SOX6: variants seen among roughly 807,000 people sequenced by gnomAD.
SOX6 encodes transcription factor SOX-6.
In SOX6, 11 loss-of-function variants were observed where a neutral mutation model predicts 97.8. That is an observed-to-expected ratio of 0.11 (90% confidence interval 0.07 to 0.19). SOX6 has a LOEUF of 0.19. Among genes scored for constraint, SOX6 ranks in the 10% least tolerant of loss-of-function variants. SOX6 has a pLI of 1.00. For synonymous variants in SOX6, 360 were observed against 371.4 expected, an observed-to-expected ratio of 0.97 and a Z score of 0.35; for missense variants, 810 against 1,039.5, an observed-to-expected ratio of 0.78 and a Z score of 3.04.
At chr11:16,514,661 G>A (rs759730746) in intron 4 of SOX6, among the ~76,000 whole-genome samples, 1 of 150,158 alleles carries the variant, frequency 6.7e-6, no homozygotes, top group Non-Finnish European at 1.5e-5. Flanking sequence ...TCGTCATCTA[G>A]CATTAGGTAT....
At chr11:16,175,483 A>G (rs1449942733) in intron 6 of SOX6, among the ~76,000 whole-genome samples, 1 of 151,938 alleles carries the variant, frequency 6.6e-6, no homozygotes. Flanking sequence ...TTAAACCCTA[A>G]TTTATTTATC....
upstream of SOX6, among the ~76,000 whole-genome samples, chr11:16,478,462 G>A (rs927619042): frequency 7.9e-5 from 12 of 152,068 alleles, no homozygotes; most frequent in Non-Finnish European, 1.6e-4. Flanking sequence ...CAGACATTTA[G>A]AACAAATAAT....
intron 4 of SOX6, among the ~76,000 whole-genome samples, chr11:16,234,380 A>G (rs1852952102): frequency 6.6e-6 from 1 of 152,182 alleles, no homozygotes; most frequent in African/African-American, 2.4e-5. Context: ...TTATAGACTA[A>G]TACAAAAAGT....
intron 2 of SOX6, among the ~76,000 whole-genome samples, chr11:16,335,742 A>T (rs1856440058): frequency 6.6e-6 from 1 of 152,190 alleles, no homozygotes; most frequent in Non-Finnish European, 1.5e-5. Flanking sequence ...AATGGTACAA[A>T]GTCCACACCA....
chr11:16,605,237 G>T lies in SOX6; in HGVS notation n.609+6844C>A, dbSNP rs1414365596. On this transcript the variant is annotated intron_variant and non_coding_transcript_variant, in intron 4 of 5. Transcript: ENST00000524520. The surrounding 1 kb of genome is among the most constrained non-coding windows in gnomAD (Gnocchi z 5.3). ...GGGCGCCGGCTGGGCTCAGGGACGC[G>T]GGGCGGGGAAGAAACGTGCCGGCGA... Among the ~76,000 whole-genome samples the T allele has an allele frequency of 6.6e-6, 1 of 152,140 alleles. No individual in the cohort carries two copies. The highest frequency in any genetic ancestry group is 2.0e-4 in the East Asian group (1 of 5,118).
intron 6 of SOX6, among the ~76,000 whole-genome samples, chr11:16,150,120 A>G (rs1850421968): frequency 6.6e-6 from 1 of 152,196 alleles, no homozygotes; most frequent in Admixed American, 6.6e-5. Flanking sequence ...AGATAACTCA[A>G]GTAGTGTCAA....
chr11:16,591,346 G>C (rs1211568333), intron 4 of SOX6, among the ~76,000 whole-genome samples: 7 of 92,580 alleles, frequency 7.6e-5, no homozygotes, highest in Non-Finnish European at 1.5e-4. Context: ...TAGATAGATA[G>C]ATAGACAGAT....
intron 4 of SOX6, among the ~76,000 whole-genome samples, chr11:16,489,485 G>C (rs1196938117): frequency 6.6e-6 from 1 of 151,998 alleles, no homozygotes; most frequent in Admixed American, 6.6e-5. Context: ...AACATTTATG[G>C]TATGTATCTA....
At chr11:16,520,998 T>C (rs1243885035) in intron 4 of SOX6, among the ~76,000 whole-genome samples, 1 of 152,180 alleles carries the variant, frequency 6.6e-6, no homozygotes, top group Non-Finnish European at 1.5e-5. Context: ...GGGTGGAGCC[T>C]ACCACAGCTC....
chr11:16,394,154 T>C (rs1355199057), intron 1 of SOX6, among the ~76,000 whole-genome samples: 1 of 151,964 alleles, frequency 6.6e-6, no homozygotes, highest in Admixed American at 6.6e-5. Context: ...TTTAATTGTA[T>C]TTTTACTATG....
intron 1 of SOX6, among the ~76,000 whole-genome samples, chr11:16,408,526 A>G (rs938035877): frequency 3.3e-5 from 5 of 152,218 alleles, no homozygotes; most frequent in African/African-American, 1.2e-4. Flanking sequence ...TACAATTAGA[A>G]GAACAGACAA....
At chr11:16,166,778 AGATAAATGT>A (rs1376709443) in intron 6 of SOX6, among the ~76,000 whole-genome samples, 4 of 152,302 alleles carry the variant, frequency 2.6e-5, no homozygotes, top group African/African-American at 9.6e-5. Context: ...AAAAAGACAA[AGATAAATGT>A]GAGGAAAATG....
At chr11:16,416,726 T>C (rs1487134176) in intron 1 of SOX6, among the ~76,000 whole-genome samples, 1 of 152,182 alleles carries the variant, frequency 6.6e-6, no homozygotes, top group Non-Finnish European at 1.5e-5. Flanking sequence ...TCAACAAATA[T>C]TTATTAGGTG....
chr11:16,025,065 G>T (rs1480510273), intron 12 of SOX6, among the ~76,000 whole-genome samples: 1 of 152,058 alleles, frequency 6.6e-6, no homozygotes, highest in African/African-American at 2.4e-5. Context: ...GTTTCATCAG[G>T]ATTATAGTGC....
chr11:16,194,247 C>T (rs1851712033), intron 4 of SOX6, among the ~76,000 whole-genome samples: 1 of 152,144 alleles, frequency 6.6e-6, no homozygotes, highest in African/African-American at 2.4e-5. Flanking sequence ...GATTTCAGTA[C>T]AAAACCACCA....
intron 1 of SOX6, among the ~76,000 whole-genome samples, chr11:16,455,985 CAACTA>C (rs1413548941): frequency 2.0e-5 from 3 of 151,892 alleles, no homozygotes; most frequent in Non-Finnish European, 2.9e-5. Flanking sequence ...AATGAATGGG[CAACTA>C]AAAATACCCC....
chr11:16,064,519 C>CATAT (rs34969974), intron 9 of SOX6, among the ~76,000 whole-genome samples: 156 of 146,510 alleles, frequency 1.1e-3, no homozygotes, highest in Admixed American at 2.0e-3. Context: ...CAAAGCCATA[C>CATAT]ATATATATAT....
chr11:16,457,083 G>C (rs1462804958), intron 1 of SOX6, among the ~76,000 whole-genome samples: 1 of 152,052 alleles, frequency 6.6e-6, no homozygotes, highest in Non-Finnish European at 1.5e-5. Flanking sequence ...TAGGATTTCT[G>C]ATACTCTGTT....
chr11:16,234,233 A>G (rs1264019112), intron 4 of SOX6, among the ~76,000 whole-genome samples: 4 of 152,134 alleles, frequency 2.6e-5, no homozygotes, highest in African/African-American at 4.8e-5. Flanking sequence ...TTGGATTCAT[A>G]AATTAAGCTA....
Sources: allele counts gnomAD v4.1 joint callset (sites outside exome capture counted in the v4.1 genomes callset), GRCh38; gene constraint gnomAD v4.1.1; non-coding constraint Gnocchi (gnomAD v3.1); transcripts MANE v1.5; gene names NCBI Gene and HGNC (gene_info 2026-07-23, HGNC 2026-07-21).